The following ENOX1 variants were observed in gnomAD, a reference collection of about 807,000 sequenced individuals.
The protein encoded by ENOX1 is candidate growth-related and time keeping constitutive hydroquinone (NADH) oxidase.
ENOX1 carries 42 observed loss-of-function variants against 82.5 expected under a neutral mutation model. The ratio of observed to expected loss-of-function variants is 0.51; its 90% CI spans 0.40 to 0.66. ENOX1 has a LOEUF of 0.66. Among genes scored for constraint, ENOX1 ranks in the 30% least tolerant of loss-of-function variants. The probability of loss-of-function intolerance (pLI) is 0.00; values close to 1 mark genes in which losing one functional copy is unlikely to be tolerated. For synonymous variants in ENOX1, 271 were observed against 282.2 expected, an observed-to-expected ratio of 0.96 and a Z score of 0.40; for missense variants, 608 against 811.6, an observed-to-expected ratio of 0.75 and a Z score of 3.05.
At chr13:43,570,209 C>G (rs927539885) in intron 2 of ENOX1, among the ~76,000 whole-genome samples, 1 of 152,138 alleles carries the variant, frequency 6.6e-6, no homozygotes, top group East Asian at 1.9e-4. Context: ...AGTCACGTTT[C>G]AAAGTCCCAG....
intron 5 of ENOX1, 76 bp downstream of exon 5, chr13:43,411,840 G>C: frequency 1.3e-6 from 2 of 1,574,424 alleles, no homozygotes; most frequent in Non-Finnish European, 1.7e-6. Context: ...TCGCGGTACA[G>C]AGAGATTACC....
intron 1 of ENOX1, among the ~76,000 whole-genome samples, chr13:43,742,940 T>C (rs1190059277): frequency 6.6e-6 from 1 of 152,154 alleles, no homozygotes; most frequent in African/African-American, 2.4e-5. Context: ...AATTGGGGGA[T>C]AGGATGAAAG....
In ENOX1 at chr13:43,781,524, T is replaced by G. The variant is rs1361856997; in HGVS notation, c.-285+5128A>C. ...AAATACTACTTTTGTCCACTATTTT[T>G]TTTTTTTAGATGGAGTTTCGCCCTT... On this transcript the variant is annotated intron_variant, in intron 1 of 16. Transcript: ENST00000690772. Among the ~76,000 whole-genome samples the G allele has an allele frequency of 2.0e-5, 3 of 152,196 alleles. No homozygotes were observed. The South Asian group carries it at 6.2e-4, about 32-fold the overall frequency.
chr13:43,480,175 G>C (rs924920334), intron 3 of ENOX1, among the ~76,000 whole-genome samples: 1 of 152,054 alleles, frequency 6.6e-6, no homozygotes, highest in Non-Finnish European at 1.5e-5. Context: ...CTGACCTCAG[G>C]TGATCCACCC....
chr13:43,265,483 A>T (rs377128172), intron 13 of ENOX1, 29 bp from the exon 14 acceptor site: 3 of 1,599,826 alleles, frequency 1.9e-6, no homozygotes, highest in Non-Finnish European at 2.6e-6. Flanking sequence ...AACAACACAA[A>T]ACAAAAAAAT....
At chr13:43,763,472 C>A (rs1951101107) in intron 1 of ENOX1, among the ~76,000 whole-genome samples, 3 of 152,174 alleles carry the variant, frequency 2.0e-5, no homozygotes, top group Non-Finnish European at 4.4e-5. Context: ...CTGGAGGACA[C>A]ACACATTCAG....
intron 5 of ENOX1, among the ~76,000 whole-genome samples, chr13:43,405,810 T>C (rs925744107): frequency 6.6e-6 from 1 of 152,230 alleles, no homozygotes; most frequent in Non-Finnish European, 1.5e-5. Flanking sequence ...CAGTCCTCTA[T>C]AGGGGTTACA....
At position 43,344,709 on chromosome 13, in the gene ENOX1, A is replaced by G. The variant is rs1366848622; in HGVS notation, c.865T>C (p.Trp289Arg). ...CGATTCACTTCCCCTCGTTCAATCC[A>G]GGAAAGCAGCACTGTGATAGCCTCT... ...FSEAITVLLS[W>R]IERGEVNRRS... Residue 289 changes from tryptophan to arginine, a missense_variant, in exon 9 of 17, where the codon TGG becomes CGG. Physicochemically the swap from Trp to Arg is moderately radical, Grantham distance 101. Coordinates refer to ENST00000690772, the MANE Select transcript of ENOX1 (RefSeq NM_001347969.2). The G allele has an allele frequency of 1.2e-6, 2 of 1,614,208 alleles. No individual in the cohort carries two copies. Among genetic ancestry groups the G allele is most frequent in the South Asian group, 2.2e-5 (2 of 91,082 alleles).
intron 11 of ENOX1, among the ~76,000 whole-genome samples, chr13:43,305,923 C>T (rs996682420): frequency 1.7e-4 from 26 of 152,114 alleles, no homozygotes; most frequent in Non-Finnish European, 4.4e-5. Flanking sequence ...TAAGCCAAGC[C>T]GGGGACAGGG....
intron 3 of ENOX1, among the ~76,000 whole-genome samples, chr13:43,458,692 T>C (rs775709189): frequency 1.3e-4 from 20 of 152,284 alleles, no homozygotes; most frequent in Middle Eastern, 3.4e-3. Flanking sequence ...CCCTTTAGAA[T>C]TCTATTTAAC....
At chr13:43,523,519 G>C (rs1021538926) in intron 2 of ENOX1, among the ~76,000 whole-genome samples, 1 of 152,162 alleles carries the variant, frequency 6.6e-6, no homozygotes, top group Non-Finnish European at 1.5e-5. Flanking sequence ...TGATGAACAA[G>C]GACTGTGAAC....
chr13:43,357,310 AC>A (rs1566593722), intron 7 of ENOX1, among the ~76,000 whole-genome samples: 1 of 152,104 alleles, frequency 6.6e-6, no homozygotes, highest in African/African-American at 2.4e-5. Context: ...TTGGGGATAA[AC>A]CTCAGCTGAA....
chr13:43,733,051 G>T (rs1215055841), intron 1 of ENOX1, among the ~76,000 whole-genome samples: 1 of 151,954 alleles, frequency 6.6e-6, no homozygotes, highest in Non-Finnish European at 1.5e-5. Context: ...GTCCCTTCCT[G>T]GAAACCTCCC....
chr13:43,741,731 A>G (rs1311129014), intron 1 of ENOX1, among the ~76,000 whole-genome samples: 1 of 152,250 alleles, frequency 6.6e-6, no homozygotes, highest in Non-Finnish European at 1.5e-5. Context: ...ACACAGAATT[A>G]TAAAATGTTG....
chr13:43,706,443 T>C (rs2087290639), intron 1 of ENOX1, among the ~76,000 whole-genome samples: 1 of 151,674 alleles, frequency 6.6e-6, no homozygotes, highest in Admixed American at 6.6e-5. Flanking sequence ...GATAGCAATA[T>C]TACAAAAAAG....
At position 43,693,034 on chromosome 13, in the gene ENOX1, T is replaced by C. The variant is rs376079664; in HGVS notation, c.-284-25490A>G. 1.1e-3 allele frequency among the ~76,000 whole-genome samples: 161 copies of C among 152,248 alleles called. 2 individuals are homozygous for C. In the South Asian group the frequency reaches 0.032, roughly 30 times the overall value. On this transcript the variant is annotated intron_variant, in intron 1 of 16. Coordinates refer to ENST00000690772, the MANE Select transcript of ENOX1 (RefSeq NM_001347969.2). ...AAGCTACACCTATGTTATAAATTTA[T>C]TTTAAAAACTATATTTGAAAACAAT...
chr13:43,282,698 A>G (rs1479159685), intron 12 of ENOX1, among the ~76,000 whole-genome samples: 1 of 151,988 alleles, frequency 6.6e-6, no homozygotes, highest in Non-Finnish European at 1.5e-5. Context: ...CGCTGGGATT[A>G]CAGGCATGAG....
At chr13:43,351,933 A>G (rs1219465697) in intron 8 of ENOX1, among the ~76,000 whole-genome samples, 1 of 152,184 alleles carries the variant, frequency 6.6e-6, no homozygotes, top group Non-Finnish European at 1.5e-5. Flanking sequence ...TCAATAACAC[A>G]TAAGGAAATA....
chr13:43,616,817 A>G (rs1245402923), intron 2 of ENOX1, among the ~76,000 whole-genome samples: 1 of 152,112 alleles, frequency 6.6e-6, no homozygotes, highest in African/African-American at 2.4e-5. Context: ...GGAAATATCC[A>G]AAAATGTTCC....
Sources: gnomAD v4.1 joint callset for allele counts (sites outside exome capture counted in the v4.1 genomes callset) on GRCh38, gnomAD v4.1.1 for gene constraint, MANE v1.5 for transcripts, NCBI Gene and HGNC (gene_info 2026-07-23, HGNC 2026-07-21) for gene names.